FILIP1: variants seen among roughly 807,000 people sequenced by gnomAD.
FILIP1 encodes filamin A interacting protein 1.
In FILIP1, 61 loss-of-function variants were observed where a neutral mutation model predicts 102.1. That is an observed-to-expected ratio of 0.60 (90% CI 0.49 to 0.74). The LOEUF is 0.74. FILIP1 is among the 30% of genes least tolerant of loss of function. The pLI is 0.00. For synonymous variants in FILIP1, 491 were observed against 526.9 expected, an observed-to-expected ratio of 0.93 and a Z score of 0.93; for missense variants, 1,314 against 1,441.2, an observed-to-expected ratio of 0.91 and a Z score of 1.43.
intron 1 of FILIP1, among the ~76,000 whole-genome samples, chr6:75,449,589 T>C (rs1562615652): frequency 2.0e-5 from 3 of 152,092 alleles, no homozygotes; most frequent in Non-Finnish European, 2.9e-5. Context: ...AAGACCAGCC[T>C]GGGACACAGC....
At chr6:75,349,711 G>C (rs921215978) in intron 4 of FILIP1, among the ~76,000 whole-genome samples, 1 of 152,180 alleles carries the variant, frequency 6.6e-6, no homozygotes, top group African/African-American at 2.4e-5. Flanking sequence ...CCCTGCAGGT[G>C]CTGTGGCCGC....
intron 6 of FILIP1, among the ~76,000 whole-genome samples, chr6:75,300,907 A>C (rs1224357364): frequency 6.6e-6 from 1 of 152,176 alleles, no homozygotes; most frequent in African/African-American, 2.4e-5. Context: ...ATAACTGATA[A>C]ATTCTTTTTT....
chr6:75,387,031 C>A (rs137899188), intron 2 of FILIP1, among the ~76,000 whole-genome samples: 8 of 152,032 alleles, frequency 5.3e-5, no homozygotes, highest in Non-Finnish European at 1.2e-4. Context: ...CCCCCACCCA[C>A]CAACAGGCCC....
At chr6:75,465,192 A>G in intron 1 of FILIP1, 1 of 191,206 alleles carries the variant, frequency 5.2e-6, no homozygotes, top group Non-Finnish European at 1.1e-5. Context: ...GGAAGAACTC[A>G]AAGAAGCCCA....
At chr6:75,295,708 G>A (rs1264659875) in exon 7 of FILIP1, 1 of 382,510 alleles carries the variant, frequency 2.6e-6, no homozygotes, top group Non-Finnish European at 4.6e-6. Context: ...AGATTGAATT[G>A]CTCTTGCTAC....
chr6:75,441,334 G>A (rs1179698923), intron 1 of FILIP1, among the ~76,000 whole-genome samples: 1 of 152,176 alleles, frequency 6.6e-6, no homozygotes, highest in Non-Finnish European at 1.5e-5. Flanking sequence ...CAAGGCAAAA[G>A]AATTTTTCTT....
At chr6:75,348,230 T>C (rs1774662495) in intron 4 of FILIP1, among the ~76,000 whole-genome samples, 1 of 152,198 alleles carries the variant, frequency 6.6e-6, no homozygotes, top group Non-Finnish European at 1.5e-5. Context: ...AGGCAGAAAG[T>C]AAAGCACAGA....
intron 1 of FILIP1, chr6:75,454,026 G>A: frequency 2.2e-6 from 1 of 456,588 alleles, no homozygotes; most frequent in Non-Finnish European, 4.4e-6. Flanking sequence ...TTATCTCACA[G>A]TTTCTGCAGA....
chr6:75,337,776 T>G (rs888002912), intron 4 of FILIP1, among the ~76,000 whole-genome samples: 1 of 152,140 alleles, frequency 6.6e-6, no homozygotes. Flanking sequence ...GGGAATAACA[T>G]AATCCAAAAC....
At chr6:75,376,685 A>G (rs1394805383) in intron 2 of FILIP1, among the ~76,000 whole-genome samples, 1 of 152,140 alleles carries the variant, frequency 6.6e-6, no homozygotes, top group Non-Finnish European at 1.5e-5. Context: ...AACTGAACCA[A>G]TAAGTTAAAG....
intron 3 of FILIP1, among the ~76,000 whole-genome samples, chr6:75,361,242 A>G (rs1221708273): frequency 6.6e-6 from 1 of 152,160 alleles, no homozygotes; most frequent in Non-Finnish European, 1.5e-5. Context: ...GGTCAGGCCT[A>G]CTTTCTAAAG....
chr6:75,408,627 G>T (rs547693420), intron 2 of FILIP1, among the ~76,000 whole-genome samples: 1 of 152,292 alleles, frequency 6.6e-6, no homozygotes, highest in African/African-American at 2.4e-5. Context: ...TGGATATAGA[G>T]TTGGAGAGAA....
chr6:75,350,198 T>A (rs1774741625), intron 4 of FILIP1, among the ~76,000 whole-genome samples: 1 of 151,936 alleles, frequency 6.6e-6, no homozygotes, highest in Non-Finnish European at 1.5e-5. Context: ...AGATAAAACG[T>A]TGACAGAAAA....
At chr6:75,291,994 G>C (rs1003851038) in exon 7 of FILIP1, 1 of 152,176 alleles carries the variant, frequency 6.6e-6, no homozygotes, top group African/African-American at 2.4e-5. Context: ...AAGTAACAGA[G>C]AATGTTTTCA....
chr6:75,372,720 AAGAGAAAG>A (rs1258582362), intron 2 of FILIP1, among the ~76,000 whole-genome samples: 5,927 of 53,508 alleles, frequency 0.11, 435 homozygotes, highest in Middle Eastern at 0.15. Context: ...AAAGGAAAGA[AAGAGAAAG>A]AGAAAGAAAG....
At chr6:75,369,977 C>T (rs893462273) in intron 2 of FILIP1, among the ~76,000 whole-genome samples, 8 of 152,228 alleles carry the variant, frequency 5.3e-5, no homozygotes, top group Non-Finnish European at 1.0e-4. Context: ...AATGACACCA[C>T]ACACTTTAAA....
chr6:75,387,613 G>A (rs1776143216), intron 2 of FILIP1, among the ~76,000 whole-genome samples: 1 of 152,138 alleles, frequency 6.6e-6, no homozygotes, highest in African/African-American at 2.4e-5. Flanking sequence ...TCTCATTGTG[G>A]TTTTGATTCA....
intron 1 of FILIP1, among the ~76,000 whole-genome samples, chr6:75,450,243 G>T (rs1419026625): frequency 1.3e-5 from 2 of 152,162 alleles, no homozygotes; most frequent in Non-Finnish European, 2.9e-5. Context: ...CTCTCAAAGT[G>T]CTGGGATTAT....
intron 4 of FILIP1, chr6:75,319,842 A>AAT: frequency 2.4e-6 from 1 of 425,342 alleles, no homozygotes; most frequent in Middle Eastern, 7.5e-4. Context: ...AAAAAAAAAA[A>AAT]GAAAAGAAAA....
Sources: gnomAD v4.1 joint callset for allele counts (sites outside exome capture counted in the v4.1 genomes callset) on GRCh38, gnomAD v4.1.1 for gene constraint, MANE v1.5 for transcripts, NCBI Gene and HGNC (gene_info 2026-07-23, HGNC 2026-07-21) for gene names.